Variants in SPARC observed in about 807,000 individuals in gnomAD.
SPARC encodes secreted protein acidic and cysteine rich.
In SPARC, 23 loss-of-function variants were observed where a neutral mutation model predicts 37.7. The ratio of observed to expected loss-of-function variants is 0.61; its 90% CI spans 0.44 to 0.87. The LOEUF (loss-of-function observed/expected upper bound fraction) is 0.87, where lower values mean the gene tolerates loss of function less well. SPARC is among the 40% of genes least tolerant of loss of function. The pLI, the probability that SPARC is intolerant of heterozygous loss-of-function variation, is 0.00. For synonymous variants in SPARC, 155 were observed against 150.8 expected (o/e 1.03, Z -0.20); for missense variants, 312 against 389.0 (o/e 0.80, Z 1.66).
chr5:151,686,417 A>T (rs1761142181), intron 1 of SPARC: 1 of 152,214 alleles, frequency 6.6e-6, no homozygotes. Flanking sequence ...TCCCTTTTGG[A>T]AAACAGAACC....
At chr5:151,667,108 G>A (rs1561916938) in intron 7 of SPARC, among the ~76,000 whole-genome samples, 1 of 152,208 alleles carries the variant, frequency 6.6e-6, no homozygotes, top group African/African-American at 2.4e-5. Context: ...CTGTTTCAGT[G>A]GCCTGAGATG....
intron 1 of SPARC, 22 bp from the exon 2 acceptor site, chr5:151,676,223 A>T (rs771429406): frequency 1.3e-6 from 2 of 1,559,802 alleles, no homozygotes; most frequent in Middle Eastern, 1.7e-4. Flanking sequence ...AGAGATTGAG[A>T]GTTCAGTGAG....
rs1370968341 is a variant in SPARC, at chr5:151,661,273, G to A, written c.*2298C>T. Reference sequence around the variant, plus strand: ...ACATTGCAGGTACCTGATGAATGTCGCCGAATGACTGAATGAGCCAATGCT... The same window carrying A: ...ACATTGCAGGTACCTGATGAATGTCACCGAATGACTGAATGAGCCAATGCT... On this transcript the variant is annotated 3_prime_UTR_variant, in exon 10 of 10. Transcript: ENST00000231061. 1.3e-5 allele frequency: 2 copies of A among 152,114 alleles called. No individual in the cohort carries two copies. Among genetic ancestry groups the A allele is most frequent in the East Asian group, 1.9e-4 (1 of 5,190 alleles). The allele number at this position is 152,114 out of a possible 1,614,324, so 9.4% of individuals were successfully genotyped here. A position where few individuals can be genotyped will look rare whatever the true frequency, so the allele number is the denominator to read the frequency against.
At chr5:151,672,419 G>T (rs1760767249) in intron 4 of SPARC, among the ~76,000 whole-genome samples, 1 of 152,186 alleles carries the variant, frequency 6.6e-6, no homozygotes, top group Non-Finnish European at 1.5e-5. Flanking sequence ...GCAGCCCTGG[G>T]ACAAGGGTCT....
At chr5:151,675,068 C>T (rs1246328659) in intron 2 of SPARC, among the ~76,000 whole-genome samples, 2 of 152,182 alleles carry the variant, frequency 1.3e-5, no homozygotes, top group African/African-American at 4.8e-5. Context: ...CATCATCTTC[C>T]TCACAGTGTG....
At position 151,672,976 on chromosome 5, in the gene SPARC, C is replaced by G. The variant is rs2304050; in HGVS notation, c.208+153G>C. The G allele has an allele frequency of 0.11, 72,959 of 657,444 alleles. 7,710 individuals carry two copies. Among genetic ancestry groups the G allele is most frequent in the African/African-American group, 0.44 (24,746 of 56,432 alleles). The allele number at this position is 657,444 out of a possible 1,614,324, so 40.7% of individuals were successfully genotyped here. On this transcript the variant is annotated intron_variant, in intron 4 of 9. Coordinates refer to ENST00000231061, the MANE Select transcript of SPARC (RefSeq NM_003118.4). ...GGGGACTGAGTGCCACAGTTTCCCA[C>G]TTGTTAAGTCAAAGCCGTGTTTCCT... is the stretch of plus-strand genomic sequence containing the variant.
chr5:151,681,626 T>G (rs953003798), intron 1 of SPARC, among the ~76,000 whole-genome samples: 1 of 152,230 alleles, frequency 6.6e-6, no homozygotes, highest in Non-Finnish European at 1.5e-5. Context: ...GCGCAATGGC[T>G]CACGCCTGTA....
intron 7 of SPARC, 110 bp from the exon 8 acceptor site, chr5:151,666,619 A>G: frequency 1.1e-6 from 1 of 946,978 alleles, no homozygotes; most frequent in Non-Finnish European, 1.6e-6. Flanking sequence ...TAGCCAGACC[A>G]AAGCTCACAG....
chr5:151,676,234 G>A lies in SPARC; in HGVS notation c.-13-33C>T, dbSNP rs776004986. On this transcript the variant is annotated intron_variant, in intron 1 of 9. Coordinates refer to ENST00000231061, the MANE Select transcript of SPARC (RefSeq NM_003118.4). Reference sequence around the variant, plus strand: ...GAGGAGAGATTGAGAGTTCAGTGAGGGTGAGACTTCCTTATGGAGATTTCC... The same window carrying A: ...GAGGAGAGATTGAGAGTTCAGTGAGAGTGAGACTTCCTTATGGAGATTTCC... 5 of 1,461,538 alleles carry A rather than the reference G, an allele frequency of 3.4e-6. No individual in the cohort carries two copies. In the Admixed American group the frequency reaches 9.0e-5, roughly 26 times the overall value. The allele number at this position is 1,461,538 out of a possible 1,614,324, so 90.5% of individuals were successfully genotyped here. A position where few individuals can be genotyped will look rare whatever the true frequency, so the allele number is the denominator to read the frequency against.
intron 1 of SPARC, chr5:151,685,152 T>C: frequency 6.6e-6 from 1 of 152,130 alleles, no homozygotes; most frequent in Non-Finnish European, 1.5e-5. Context: ...CAAAAGTTGA[T>C]TCCTTCTCCA....
At chr5:151,685,412 CCTCT>C (rs879328588) in intron 1 of SPARC, among the ~76,000 whole-genome samples, 2,988 of 139,306 alleles carry the variant, frequency 0.021, 115 homozygotes, top group African/African-American at 0.08. Flanking sequence ...TCTCTCTCTC[CCTCT>C]CTCTCTCACA....
rs1760526562 is a variant in SPARC, at chr5:151,662,446, A to T, written c.*1125T>A. 1 of 152,650 alleles carries T rather than the reference A, an allele frequency of 6.6e-6. No homozygotes were observed. The highest frequency in any genetic ancestry group is 2.4e-5 in the African/African-American group (1 of 41,456). The allele number at this position is 152,650 out of a possible 1,614,324, so 9.5% of individuals were successfully genotyped here. On this transcript the variant is annotated 3_prime_UTR_variant, in exon 10 of 10. Coordinates refer to ENST00000231061, the MANE Select transcript of SPARC (RefSeq NM_003118.4). ...AAATCACCCAGGAAGGCAGTTTCTA[A>T]GTCATTACTTTTTATTTTGAAGGAT...
chr5:151,681,697 G>C (rs1459615906), intron 1 of SPARC, among the ~76,000 whole-genome samples: 1 of 152,176 alleles, frequency 6.6e-6, no homozygotes, highest in African/African-American at 2.4e-5. Flanking sequence ...TTCGAGACCA[G>C]CCTGGCCAAC....
At chr5:151,685,420 TCTCACACACACA>T (rs1369703905) in intron 1 of SPARC, among the ~76,000 whole-genome samples, 65 of 107,222 alleles carry the variant, frequency 6.1e-4, no homozygotes, top group Non-Finnish European at 8.6e-4. Context: ...TCCCTCTCTC[TCTCACACACACA>T]CACACACACA....
At chr5:151,677,358 T>A (rs991678767) in intron 1 of SPARC, among the ~76,000 whole-genome samples, 1 of 152,164 alleles carries the variant, frequency 6.6e-6, no homozygotes. Flanking sequence ...TAACCTTCCA[T>A]CAGGAGCAAC....
At chr5:151,682,398 G>A (rs950031987) in intron 1 of SPARC, among the ~76,000 whole-genome samples, 2 of 152,228 alleles carry the variant, frequency 1.3e-5, no homozygotes, top group Non-Finnish European at 2.9e-5. Context: ...ATGAAAGGAT[G>A]AGAAATAACA....
At chr5:151,667,316 C>T (rs1481581080) in intron 7 of SPARC, 151 bp downstream of exon 7, 1 of 829,236 alleles carries the variant, frequency 1.2e-6, no homozygotes, top group Non-Finnish European at 2.0e-6. Flanking sequence ...ACCACAGCCT[C>T]CAAAGGCAGG....
intron 3 of SPARC, among the ~76,000 whole-genome samples, 191 bp downstream of exon 3, chr5:151,674,421 G>T (rs1018728010): frequency 2.6e-5 from 4 of 152,136 alleles, no homozygotes; most frequent in African/African-American, 7.2e-5. Flanking sequence ...GTAGGGTTCC[G>T]TTGAAGGTTT....
At chr5:151,680,390 G>A (rs908504789) in intron 1 of SPARC, among the ~76,000 whole-genome samples, 50 of 117,866 alleles carry the variant, frequency 4.2e-4, no homozygotes, top group African/African-American at 1.7e-3. Context: ...ACTACACCCA[G>A]CGAATTTTTC....
Sources: gnomAD v4.1 joint callset for allele counts (sites outside exome capture counted in the v4.1 genomes callset) on GRCh38, gnomAD v4.1.1 for gene constraint, MANE v1.5 for transcripts, NCBI Gene and HGNC (gene_info 2026-07-23, HGNC 2026-07-21) for gene names.